ACSS2: variants seen among roughly 807,000 people sequenced by gnomAD.
ACSS2 encodes acyl-CoA synthetase short chain family member 2, also known as acetyl-coenzyme A synthetase, cytoplasmic.
ACSS2 carries 58 observed loss-of-function variants against 90.6 expected under a neutral mutation model. That is an observed-to-expected ratio of 0.64 (90% confidence interval 0.52 to 0.80). The LOEUF is 0.80. ACSS2 is among the 30% of genes least tolerant of loss of function. The pLI, the probability that ACSS2 is intolerant of heterozygous loss-of-function variation, is 0.00. For synonymous variants in ACSS2, 300 were observed against 330.9 expected, an observed-to-expected ratio of 0.91 and a Z score of 1.01; for missense variants, 759 against 912.0, an observed-to-expected ratio of 0.83 and a Z score of 2.16.
chr20:34,895,320 A>G (rs529224336), intron 2 of ACSS2, among the ~76,000 whole-genome samples: 1 of 152,320 alleles, frequency 6.6e-6, no homozygotes, highest in Non-Finnish European at 1.5e-5. Context: ...GAAGACATCT[A>G]CCATACAACC....
intron 2 of ACSS2, 98 bp downstream of exon 2, chr20:34,883,087 C>A: frequency 1.1e-6 from 1 of 873,588 alleles, no homozygotes; most frequent in Non-Finnish European, 1.7e-6. Flanking sequence ...AACTTAATGC[C>A]TCAGGTGAGG....
At chr20:34,889,583 G>A (rs908426752) in intron 2 of ACSS2, among the ~76,000 whole-genome samples, 2 of 152,258 alleles carry the variant, frequency 1.3e-5, no homozygotes, top group South Asian at 2.1e-4. Context: ...AAGCACAGAC[G>A]TGATAATGAT....
chr20:34,921,156 G>A lies in ACSS2; in HGVS notation c.1277+17G>A. 2.5e-6 allele frequency: 4 copies of A among 1,614,150 alleles called. No homozygotes were observed. The highest frequency in any genetic ancestry group is 3.4e-6 in the Non-Finnish European group (4 of 1,180,034). ...TGTCACCAAGTGAGACCTCTTCCCA[G>A]TTGCTGCCCTGTGGGTATCCCTCAG... is the stretch of plus-strand genomic sequence containing the variant. On this transcript the variant is annotated intron_variant, in intron 10 of 17. Coordinates refer to ENST00000360596, the MANE Select transcript of ACSS2 (RefSeq NM_018677.4).
chr20:34,902,052 C>T (rs550702871), intron 2 of ACSS2, among the ~76,000 whole-genome samples: 2 of 152,118 alleles, frequency 1.3e-5, no homozygotes, highest in Admixed American at 1.3e-4. Context: ...ATGGAGCTCT[C>T]CCAATTGATG....
intron 2 of ACSS2, among the ~76,000 whole-genome samples, chr20:34,892,242 C>A (rs985402095): frequency 2.6e-5 from 4 of 152,158 alleles, no homozygotes; most frequent in Non-Finnish European, 4.4e-5. Flanking sequence ...GGGGTTCTTG[C>A]CTTATGGCAG....
At chr20:34,924,663 T>G (rs4911451) in intron 14 of ACSS2, among the ~76,000 whole-genome samples, 82,281 of 151,536 alleles carry the variant, frequency 0.54, 23,041 homozygotes, top group South Asian at 0.73. Context: ...TTATTCAAAG[T>G]ACAGTGGGAA....
rs2081025168 is a variant in ACSS2 at position 34,914,120 on chromosome 20, T to A, written c.668T>A (p.Leu223His). ...GATGCCTTCTACAGGGGGGAAAAGC[T>A]TGTGAACCTGAAGGAGCTGGCTGAC... Reference protein sequence around the residue: ...TTDAFYRGEKLVNLKELADEA... With the variant: ...TTDAFYRGEKHVNLKELADEA... Residue 223 changes from leucine (L) to histidine (H), a missense_variant, in exon 6 of 18, where the codon CTT becomes CAT. By Grantham distance (99) the Leu-to-His change is moderately conservative. Transcript: ENST00000360596. 6.2e-7 allele frequency: 1 copy of A among 1,614,180 alleles called. No homozygotes were observed. The highest frequency in any genetic ancestry group is 8.5e-7 in the Non-Finnish European group (1 of 1,180,016).
intron 14 of ACSS2, among the ~76,000 whole-genome samples, chr20:34,923,811 C>G (rs192380861): frequency 6.5e-5 from 9 of 137,834 alleles, no homozygotes; most frequent in Admixed American, 1.4e-4. Flanking sequence ...TCCCCCCCGC[C>G]CCCCCCACCT....
At chr20:34,926,080 A>G (rs1336890935) in intron 15 of ACSS2, 25 bp from the exon 16 acceptor site, 3 of 1,613,088 alleles carry the variant, frequency 1.9e-6, no homozygotes, top group Admixed American at 3.3e-5. Context: ...GATCTCTCTC[A>G]TGGCACTTCC....
At chr20:34,903,734 T>G (rs2080727630) in intron 2 of ACSS2, among the ~76,000 whole-genome samples, 1 of 151,988 alleles carries the variant, frequency 6.6e-6, no homozygotes, top group Admixed American at 6.6e-5. Context: ...TCAATGACTA[T>G]CGTTCTCATA....
intron 14 of ACSS2, among the ~76,000 whole-genome samples, chr20:34,924,214 G>T (rs752127989): frequency 3.3e-5 from 5 of 152,192 alleles, no homozygotes; most frequent in Non-Finnish European, 7.3e-5. Flanking sequence ...TAAGATCTGA[G>T]CACTGTGATC....
intron 14 of ACSS2, among the ~76,000 whole-genome samples, chr20:34,924,149 T>C (rs559187466): frequency 6.4e-4 from 97 of 152,306 alleles, no homozygotes; most frequent in African/African-American, 2.1e-3. Flanking sequence ...CATGTTTGTC[T>C]TTATGTCTGG....
chr20:34,913,407 G>A lies in ACSS2; in HGVS notation c.481G>A (p.Asp161Asn), dbSNP rs765529559. 1.9e-5 allele frequency: 30 copies of A among 1,613,900 alleles called. No homozygotes were observed. Among genetic ancestry groups the A allele is most frequent in the Non-Finnish European group, 2.5e-5 (29 of 1,179,984 alleles). ...VLRKQGIQKGDRVAIYMPMIP... is the reference protein window; with the variant it reads ...VLRKQGIQKGNRVAIYMPMIP... ...TTTACCTGCAGGCATTCAGAAGGGG[G>A]ACCGAGTGGCCATCTACATGCCTAT... Residue 161 changes from aspartate to asparagine, a missense_variant, in exon 4 of 18, where the codon GAC (aspartate) becomes AAC (asparagine). Asp to Asn is a conservative substitution (Grantham distance 23). Coordinates refer to ENST00000360596, the MANE Select transcript of ACSS2 (RefSeq NM_018677.4).
chr20:34,913,618 A>G (rs1023524736), intron 4 of ACSS2, 122 bp downstream of exon 4: 15 of 1,253,360 alleles, frequency 1.2e-5, no homozygotes, highest in Non-Finnish European at 1.7e-5. Flanking sequence ...TTTGTGTCAT[A>G]GGTCCATATT....
At chr20:34,890,153 C>T (rs1450893921) in intron 2 of ACSS2, among the ~76,000 whole-genome samples, 1 of 152,086 alleles carries the variant, frequency 6.6e-6, no homozygotes, top group African/African-American at 2.4e-5. Context: ...AAGAAACCAG[C>T]ACAGGTAACT....
intron 2 of ACSS2, among the ~76,000 whole-genome samples, chr20:34,912,725 C>G (rs2080989625): frequency 6.6e-6 from 1 of 152,212 alleles, no homozygotes; most frequent in Admixed American, 6.5e-5. Flanking sequence ...CACAAGTGAT[C>G]TGGAGACCCT....
At chr20:34,917,252 C>T (rs191406413) in intron 7 of ACSS2, among the ~76,000 whole-genome samples, 1 of 152,282 alleles carries the variant, frequency 6.6e-6, no homozygotes, top group East Asian at 1.9e-4. Context: ...GGTTGAATAC[C>T]TTAGTGCCCC....
rs2081243187 is a variant in ACSS2 at position 34,923,354 on chromosome 20, GCACAGT to G, written c.1582_1587del (p.Thr528_Val529del). ...AAGCAGCCCTGGCCAGGGATCATGC[GCACAGT>G]CTATGGGAACCACGAACGCTTTGAG... On this transcript the variant is annotated inframe_deletion, in exon 14 of 18. Coordinates refer to ENST00000360596, the MANE Select transcript of ACSS2 (RefSeq NM_018677.4). The G allele has an allele frequency of 6.2e-7, 1 of 1,613,992 alleles. No homozygotes were observed.
intron 6 of ACSS2, 30 bp from the exon 7 acceptor site, chr20:34,914,293 G>C (rs1245258090): frequency 2.5e-6 from 4 of 1,607,768 alleles, no homozygotes; most frequent in Non-Finnish European, 3.4e-6. Flanking sequence ...AGCCAACAAG[G>C]CTACCACTTT....
Sources: gnomAD v4.1 joint callset for allele counts (sites outside exome capture counted in the v4.1 genomes callset) on GRCh38, gnomAD v4.1.1 for gene constraint, MANE v1.5 for transcripts, NCBI Gene and HGNC (gene_info 2026-07-23, HGNC 2026-07-21) for gene names.